The following DOCK4 variants were observed in gnomAD, a reference collection of about 807,000 sequenced individuals.
The protein encoded by DOCK4 is dedicator of cytokinesis protein 4.
Under a neutral mutation model 268.1 loss-of-function variants are expected in DOCK4, and 97 were observed. That is an observed-to-expected ratio of 0.36 (90% CI 0.31 to 0.43). The LOEUF is 0.43. Among genes scored for constraint, DOCK4 ranks in the 20% least tolerant of loss-of-function variants. DOCK4 has a pLI of 1.00. For missense variants in DOCK4, 2,145 were observed against 2,455.7 expected, an observed-to-expected ratio of 0.87 and a Z score of 2.67; for synonymous variants, 954 against 887.2, an observed-to-expected ratio of 1.08 and a Z score of -1.34.
chr7:112,010,508 G>A (rs773616563), intron 1 of DOCK4, among the ~76,000 whole-genome samples: 1 of 152,188 alleles, frequency 6.6e-6, no homozygotes, highest in Non-Finnish European at 1.5e-5. Flanking sequence ...AGATGAAGTG[G>A]TATCTCCTGG....
intron 1 of DOCK4, among the ~76,000 whole-genome samples, chr7:112,198,120 A>G (rs1820621701): frequency 6.6e-6 from 1 of 152,078 alleles, no homozygotes; most frequent in African/African-American, 2.4e-5. Flanking sequence ...CCTCAATGTG[A>G]TGGTATTTGG....
chr7:112,138,535 G>A (rs900772903), intron 1 of DOCK4, among the ~76,000 whole-genome samples: 4 of 152,196 alleles, frequency 2.6e-5, no homozygotes, highest in Non-Finnish European at 5.9e-5. Flanking sequence ...TTGAGACGAA[G>A]TATGAATACC....
chr7:112,111,282 G>A (rs1478246958), intron 1 of DOCK4, among the ~76,000 whole-genome samples: 1 of 152,190 alleles, frequency 6.6e-6, no homozygotes, highest in Non-Finnish European at 1.5e-5. Flanking sequence ...CTGAGAGGTA[G>A]GTATGAGGAT....
chr7:111,946,665 T>C (rs975419870), intron 8 of DOCK4, among the ~76,000 whole-genome samples: 3 of 152,198 alleles, frequency 2.0e-5, no homozygotes, highest in Non-Finnish European at 4.4e-5. Context: ...CACTGCAATT[T>C]CTGCCTCCTG....
intron 1 of DOCK4, among the ~76,000 whole-genome samples, chr7:112,107,443 GCTGTCT>G (rs1223136457): frequency 1.3e-5 from 2 of 152,212 alleles, no homozygotes; most frequent in Admixed American, 1.3e-4. Flanking sequence ...AGAGAAAGCA[GCTGTCT>G]GCAAGACAAA....
intron 1 of DOCK4, among the ~76,000 whole-genome samples, chr7:112,161,730 C>A (rs947343383): frequency 6.6e-6 from 1 of 152,192 alleles, no homozygotes; most frequent in African/African-American, 2.4e-5. Context: ...CTGGTACAGT[C>A]TCTCTGGAAC....
intron 1 of DOCK4, among the ~76,000 whole-genome samples, chr7:112,179,245 G>C (rs957090796): frequency 6.6e-6 from 1 of 152,032 alleles, no homozygotes; most frequent in Admixed American, 6.6e-5. Flanking sequence ...AATTTTCCCG[G>C]TGTGGTGGCA....
At chr7:111,942,779 C>T (rs890358519) in intron 10 of DOCK4, among the ~76,000 whole-genome samples, 4 of 152,178 alleles carry the variant, frequency 2.6e-5, no homozygotes, top group Non-Finnish European at 4.4e-5. Context: ...GCGTCCAACC[C>T]TAGCAAATAG....
At chr7:111,771,596 A>C (rs1798128988) in intron 36 of DOCK4, among the ~76,000 whole-genome samples, 1 of 152,218 alleles carries the variant, frequency 6.6e-6, no homozygotes, top group Non-Finnish European at 1.5e-5. Flanking sequence ...CCAGATCCTC[A>C]GAAGGGTGCT....
intron 16 of DOCK4, among the ~76,000 whole-genome samples, chr7:111,883,733 G>C (rs1807611768): frequency 6.6e-6 from 1 of 152,158 alleles, no homozygotes; most frequent in African/African-American, 2.4e-5. Flanking sequence ...ATGTGGTCAG[G>C]TCAGTTCCAC....
intron 8 of DOCK4, among the ~76,000 whole-genome samples, chr7:111,959,928 C>T (rs1796732502): frequency 6.6e-6 from 1 of 152,226 alleles, no homozygotes; most frequent in African/African-American, 2.4e-5. Flanking sequence ...GATGCACTAG[C>T]AATTTCAGAC....
intron 1 of DOCK4, among the ~76,000 whole-genome samples, chr7:112,123,853 C>T (rs1345812535): frequency 2.0e-5 from 3 of 152,136 alleles, no homozygotes; most frequent in Non-Finnish European, 4.4e-5. Flanking sequence ...TATCCTAAAT[C>T]TTAACAGACA....
chr7:112,142,387 C>A (rs1815019181), intron 1 of DOCK4, among the ~76,000 whole-genome samples: 1 of 151,832 alleles, frequency 6.6e-6, no homozygotes, highest in Non-Finnish European at 1.5e-5. Context: ...AAAATGTGAC[C>A]CAGGAAACTC....
At chr7:111,788,835 A>G in intron 31 of DOCK4, 88 bp from the exon 32 acceptor site, 1 of 1,200,080 alleles carries the variant, frequency 8.3e-7, no homozygotes, top group South Asian at 1.3e-5. Context: ...TGTGCCAAGG[A>G]AAAAGCCATG....
At chr7:111,868,525 A>C (rs1339193673) in intron 21 of DOCK4, among the ~76,000 whole-genome samples, 2 of 152,166 alleles carry the variant, frequency 1.3e-5, no homozygotes, top group African/African-American at 4.8e-5. Context: ...AGCCTGACCA[A>C]CATGGAGAAA....
At chr7:111,915,422 C>T (rs113361621) in intron 13 of DOCK4, among the ~76,000 whole-genome samples, 2 of 152,160 alleles carry the variant, frequency 1.3e-5, no homozygotes, top group South Asian at 4.1e-4. Context: ...CCAACATTTT[C>T]CATCAAGGAG....
intron 7 of DOCK4, among the ~76,000 whole-genome samples, chr7:111,979,573 C>T (rs772133108): frequency 2.0e-5 from 3 of 151,882 alleles, no homozygotes; most frequent in Admixed American, 6.6e-5. Context: ...CCCTCCACCC[C>T]GCCAGAACTG....
intron 1 of DOCK4, among the ~76,000 whole-genome samples, chr7:112,132,835 A>C (rs1428219057): frequency 2.0e-5 from 3 of 152,204 alleles, no homozygotes; most frequent in African/African-American, 7.2e-5. Context: ...CCTGGCCCAC[A>C]GCTTGACAGA....
intron 6 of DOCK4, among the ~76,000 whole-genome samples, chr7:111,986,213 C>T (rs999114706): frequency 2.0e-5 from 3 of 152,156 alleles, no homozygotes; most frequent in African/African-American, 7.2e-5. Context: ...AGATTCCTTC[C>T]TTGAGAATCT....
Sources: allele counts gnomAD v4.1 joint callset (sites outside exome capture counted in the v4.1 genomes callset), GRCh38; gene constraint gnomAD v4.1.1; transcripts MANE v1.5; gene names NCBI Gene and HGNC (gene_info 2026-07-23, HGNC 2026-07-21).